KLHDC4: variants seen among roughly 807,000 people sequenced by gnomAD.
KLHDC4 encodes kelch domain containing 4.
KLHDC4 carries 90 observed loss-of-function variants against 62.4 expected under a neutral mutation model. That is an observed-to-expected ratio of 1.44 (90% CI 1.22 to 1.72). KLHDC4 has a LOEUF of 1.72. Ranked by LOEUF, KLHDC4 falls within the 40% of genes most tolerant of loss-of-function variation. KLHDC4 has a pLI of 0.00. For synonymous variants in KLHDC4, 386 were observed against 284.4 expected, an observed-to-expected ratio of 1.36 and a Z score of -3.59; for missense variants, 1,025 against 699.7, an observed-to-expected ratio of 1.47 and a Z score of -5.25.
intron 2 of KLHDC4, among the ~76,000 whole-genome samples, chr16:87,756,751 G>A (rs2045004636): frequency 6.6e-6 from 1 of 151,446 alleles, no homozygotes; most frequent in South Asian, 2.1e-4. Flanking sequence ...AAATTCCCCA[G>A]GCAGGAATAA....
At chr16:87,725,454 C>T (rs1168967284) in intron 7 of KLHDC4, among the ~76,000 whole-genome samples, 1 of 152,174 alleles carries the variant, frequency 6.6e-6, no homozygotes, top group African/African-American at 2.4e-5. Context: ...CGTGAGCCAC[C>T]GCGCCCAGCC....
chr16:87,705,848 G>A (rs1435152629), downstream of KLHDC4, among the ~76,000 whole-genome samples: 3 of 152,204 alleles, frequency 2.0e-5, no homozygotes, highest in South Asian at 2.1e-4. Context: ...AACCCTGTCC[G>A]AGCCTCTTCC....
chr16:87,711,581 T>TC, intron 8 of KLHDC4, 138 bp from the exon 9 acceptor site: 1 of 674,718 alleles, frequency 1.5e-6, no homozygotes. Flanking sequence ...AAAACTCTGC[T>TC]CCCTCTGCAG....
intron 9 of KLHDC4, 112 bp downstream of exon 9, chr16:87,711,123 C>T (rs1429783593): frequency 4.0e-6 from 4 of 1,009,238 alleles, no homozygotes; most frequent in Non-Finnish European, 6.0e-6. Context: ...CTTGAGAGAG[C>T]TCATGGGCTT....
rs552705736 is a variant in KLHDC4 at position 87,752,158 on chromosome 16, G to A, written c.369+3036C>T. On this transcript the variant is annotated intron_variant, in intron 4 of 11. Coordinates refer to ENST00000270583, the MANE Select transcript of KLHDC4 (RefSeq NM_017566.4). The stretch of plus-strand genomic sequence containing the variant: ...ACAGTGGCTCACGCCTGTAATCCCA[G>A]CTCTCAGGGAAGCAGAGGCAGGAGG... Among the ~76,000 whole-genome samples the A allele has an allele frequency of 5.1e-4, 73 of 142,396 alleles. 1 individual carries two copies. Among genetic ancestry groups the A allele is most frequent in the African/African-American group, 1.7e-3 (67 of 38,408 alleles). 93.4% of individuals were successfully genotyped at this position (142,396 alleles called of 152,430 possible).
At chr16:87,715,994 G>A (rs1456644415) in intron 7 of KLHDC4, among the ~76,000 whole-genome samples, 2 of 152,106 alleles carry the variant, frequency 1.3e-5, no homozygotes, top group Admixed American at 1.3e-4. Flanking sequence ...CAGACTTTGG[G>A]CACATTCTAA....
At chr16:87,765,009 C>G (rs924538427) in intron 1 of KLHDC4, 3 of 414,260 alleles carry the variant, frequency 7.2e-6, no homozygotes, top group African/African-American at 6.1e-5. Context: ...CATACCACTT[C>G]ATGGTTCACC....
intron 7 of KLHDC4, among the ~76,000 whole-genome samples, chr16:87,722,365 G>T (rs1340135365): frequency 1.3e-5 from 2 of 152,228 alleles, no homozygotes; most frequent in East Asian, 3.8e-4. Context: ...GGAGGAGGAA[G>T]GAGGGCAGGT....
upstream of KLHDC4, chr16:87,702,689 C>G (rs1198410075): frequency 4.7e-6 from 1 of 212,892 alleles, no homozygotes; most frequent in African/African-American, 2.3e-5. Flanking sequence ...GGAAGAGGCA[C>G]CCTCGCTCCA....
At chr16:87,764,858 C>A (rs1157827855) in intron 1 of KLHDC4, among the ~76,000 whole-genome samples, 2 of 149,964 alleles carry the variant, frequency 1.3e-5, no homozygotes, top group African/African-American at 4.9e-5. Flanking sequence ...AAAGAAAGAG[C>A]CTAAGAGGAG....
chr16:87,760,276 G>T (rs898744998), intron 2 of KLHDC4, among the ~76,000 whole-genome samples: 21 of 149,300 alleles, frequency 1.4e-4, no homozygotes, highest in Non-Finnish European at 2.5e-4. Flanking sequence ...GGTGACTTGA[G>T]CCCAGGAACT....
At chr16:87,746,247 G>A (rs1485482218) in intron 5 of KLHDC4, among the ~76,000 whole-genome samples, 2 of 151,990 alleles carry the variant, frequency 1.3e-5, no homozygotes, top group Non-Finnish European at 2.9e-5. Flanking sequence ...TCCAGCCTGG[G>A]CAACAGAGTA....
At chr16:87,732,824 C>G (rs2040623862) in intron 5 of KLHDC4, among the ~76,000 whole-genome samples, 1 of 151,720 alleles carries the variant, frequency 6.6e-6, no homozygotes, top group Admixed American at 6.6e-5. Flanking sequence ...GGTGAAAAGG[C>G]AGGTGCAAAG....
intron 4 of KLHDC4, among the ~76,000 whole-genome samples, chr16:87,753,054 G>A (rs2044275576): frequency 6.6e-6 from 1 of 152,216 alleles, no homozygotes; most frequent in Admixed American, 6.5e-5. Context: ...AGGGACAAGG[G>A]GCACAGGCAG....
chr16:87,756,439 T>C lies in KLHDC4; in HGVS notation c.230A>G (p.Glu77Gly). 1 of 1,613,934 alleles carries C rather than the reference T, an allele frequency of 6.2e-7. No individual in the cohort carries two copies. Among genetic ancestry groups the C allele is most frequent in the Middle Eastern group, 1.6e-4 (1 of 6,062 alleles). ...ATATTCACCTCCAAAAAGGATTAAC[T>C]CATCTTTCTCAGGATGAACCGAGAG... ...ASLSVHPEKDELILFGGEYFN... is the reference protein window; with the variant it reads ...ASLSVHPEKDGLILFGGEYFN... The change falls in exon 3 of 12, where the codon GAG becomes GGG. Residue 77 changes from glutamate to glycine, a missense_variant. Glu to Gly is a moderately conservative substitution (Grantham distance 98, BLOSUM62 -2). Coordinates refer to ENST00000270583, the MANE Select transcript of KLHDC4 (RefSeq NM_017566.4).
intron 7 of KLHDC4, among the ~76,000 whole-genome samples, chr16:87,725,542 C>A (rs2039212393): frequency 6.6e-6 from 1 of 152,222 alleles, no homozygotes; most frequent in African/African-American, 2.4e-5. Context: ...CAAAAGTTAG[C>A]TGTGGTTGAA....
intron 9 of KLHDC4, 195 bp from the exon 10 acceptor site, chr16:87,709,862 AG>A: frequency 1.6e-6 from 1 of 644,884 alleles, no homozygotes; most frequent in Non-Finnish European, 2.6e-6. Flanking sequence ...GTCTCCCACT[AG>A]CCTCGCCGTT....
chr16:87,729,897 AC>A (rs2040034028), intron 6 of KLHDC4, among the ~76,000 whole-genome samples: 2 of 152,238 alleles, frequency 1.3e-5, no homozygotes, highest in Non-Finnish European at 1.5e-5. Context: ...CAGCACTCTA[AC>A]CAGCCCTCTA....
chr16:87,746,728 TG>T (rs768539671), intron 5 of KLHDC4, among the ~76,000 whole-genome samples: 3 of 152,342 alleles, frequency 2.0e-5, no homozygotes, highest in Non-Finnish European at 2.9e-5. Context: ...ACCCTGTTCC[TG>T]CCCCACCACT....
Sources: allele counts gnomAD v4.1 joint callset (sites outside exome capture counted in the v4.1 genomes callset), GRCh38; gene constraint gnomAD v4.1.1; transcripts MANE v1.5; gene names NCBI Gene and HGNC (gene_info 2026-07-23, HGNC 2026-07-21).